Variants in UBE3A observed in about 807,000 individuals in gnomAD.
The protein encoded by UBE3A is ubiquitin-protein ligase E3A.
UBE3A carries 6 observed loss-of-function variants against 83.4 expected under a neutral mutation model. That is an observed-to-expected ratio of 0.07 (90% confidence interval 0.04 to 0.14). UBE3A has a LOEUF of 0.14. UBE3A is among the 10% of genes least tolerant of loss of function. The pLI, the probability that UBE3A is intolerant of heterozygous loss-of-function variation, is 1.00. For missense variants in UBE3A, 456 were observed against 1,036.1 expected (o/e 0.44, Z 7.69); for synonymous variants, 337 against 355.4 (o/e 0.95, Z 0.58).
chr15:25,421,258 T>C (rs765431645), intron 1 of UBE3A, among the ~76,000 whole-genome samples: 3 of 152,154 alleles, frequency 2.0e-5, no homozygotes, highest in Non-Finnish European at 2.9e-5. Context: ...TGCTCCCCCT[T>C]TGCCTTCCAC....
At chr15:25,357,604 C>T (rs200916496) in intron 7 of UBE3A, 32 of 152,250 alleles carry the variant, frequency 2.1e-4, no homozygotes, top group African/African-American at 7.7e-4. Context: ...CCTCAGCCTC[C>T]CAAAGTGCTG....
chr15:25,381,465 A>G (rs1485893806), intron 4 of UBE3A, among the ~76,000 whole-genome samples: 1 of 152,216 alleles, frequency 6.6e-6, no homozygotes, highest in African/African-American at 2.4e-5. Flanking sequence ...ATAAAAACTA[A>G]TGGTGAACAA....
At position 25,411,597 on chromosome 15, in the gene UBE3A, ACAGCAG is replaced by A. The variant is rs145204762; in HGVS notation, c.-101+305_-101+310del. On this transcript the variant is annotated intron_variant, in intron 2 of 12. Coordinates refer to ENST00000648336, the MANE Select transcript of UBE3A (RefSeq NM_130839.5). ...AGAGCAAGACTCTGTCTCAAAAACA[ACAGCAG>A]CAGCAGCAGCAGCAACAACAACAAC... is the stretch of plus-strand genomic sequence containing the variant. Among the ~76,000 whole-genome samples the A allele has an allele frequency of 7.1e-3, 1,085 of 152,186 alleles. 11 individuals are homozygous for A. Among genetic ancestry groups the A allele is most frequent in the African/African-American group, 0.025 (1,031 of 41,504 alleles).
At chr15:25,401,628 G>A (rs947702544) in intron 4 of UBE3A, among the ~76,000 whole-genome samples, 6 of 151,964 alleles carry the variant, frequency 3.9e-5, no homozygotes, top group African/African-American at 1.5e-4. Context: ...GTACTTCTCT[G>A]GTATCAGCTG....
Position 25,406,692 on chromosome 15 carries a change from A to T in UBE3A, c.21-1190T>A, listed in dbSNP as rs1331221015. 5.8e-3 allele frequency among the ~76,000 whole-genome samples: 13 copies of T among 2,260 alleles called. No homozygotes were observed. In the Non-Finnish European group the frequency reaches 0.12, roughly 22 times the overall value. 1.5% of individuals were successfully genotyped at this position (2,260 alleles called of 152,430 possible). The stretch of plus-strand genomic sequence containing the variant: ...TAACAAGAATCTTAAAATCAGTCAC[A>T]CACACACACACACACACACACACGC... On this transcript the variant is annotated intron_variant, in intron 3 of 12. Transcript: ENST00000648336.
In UBE3A at chr15:25,357,850, G is replaced by C. The variant is rs146128675; in HGVS notation, c.1754-954C>G. 2.4e-3 allele frequency among the ~76,000 whole-genome samples: 360 copies of C among 148,896 alleles called. 3 individuals carry two copies. Among genetic ancestry groups the C allele is most frequent in the South Asian group, 4.1e-3 (19 of 4,680 alleles). On this transcript the variant is annotated intron_variant, in intron 7 of 12. Coordinates refer to ENST00000648336, the MANE Select transcript of UBE3A (RefSeq NM_130839.5). ...CAATACGTAAAAGAAAAGTAGTTTC[G>C]TAGTCTTTCAATTTCACATGGTCTT...
Position 25,370,037 on chromosome 15 carries a change from G to A in UBE3A, c.1608+529C>T, listed in dbSNP as rs1178048451. ...AGCCAGGCAGTGCCGTCCACACAGG[G>A]ATATTCTAAGTGGCCCAGCAGGACT... On this transcript the variant is annotated intron_variant, in intron 6 of 12. Transcript: ENST00000648336. The surrounding 1 kb of genome is among the most constrained non-coding windows in gnomAD (Gnocchi z 4.2). Among the ~76,000 whole-genome samples the A allele has an allele frequency of 6.6e-6, 1 of 152,122 alleles. No individual in the cohort carries two copies. The highest frequency in any genetic ancestry group is 1.5e-5 in the Non-Finnish European group (1 of 68,030).
Position 25,403,033 on chromosome 15 carries a change from G to A in UBE3A, c.62+2428C>T, listed in dbSNP as rs149810242. 3.3e-5 allele frequency among the ~76,000 whole-genome samples: 5 copies of A among 152,276 alleles called. No homozygotes were observed. In the East Asian group the frequency reaches 9.7e-4, roughly 29 times the overall value. ...AGCATATAAATTCAAATACTCCAAT[G>A]TTAACATCTTATGCACATGCCACTA... On this transcript the variant is annotated intron_variant, in intron 4 of 12. Transcript: ENST00000648336.
intron 11 of UBE3A, chr15:25,346,329 A>G (rs1429194497): frequency 1.3e-5 from 2 of 152,576 alleles, no homozygotes; most frequent in Admixed American, 6.5e-5. Flanking sequence ...AAACCAAAAC[A>G]GCACCATAAA....
intron 4 of UBE3A, among the ~76,000 whole-genome samples, chr15:25,398,798 T>TATAA (rs2086317371): frequency 1.2e-5 from 1 of 81,232 alleles, no homozygotes; most frequent in African/African-American, 3.6e-5. Context: ...TATATATATA[T>TATAA]ATATATATAT....
intron 1 of UBE3A, among the ~76,000 whole-genome samples, chr15:25,414,944 A>G (rs1382596866): frequency 6.6e-6 from 1 of 152,180 alleles, no homozygotes; most frequent in Non-Finnish European, 1.5e-5. Flanking sequence ...AGTGCTTGCA[A>G]ATGTTTATAG....
intron 1 of UBE3A, among the ~76,000 whole-genome samples, chr15:25,422,812 C>CAA (rs71418043): frequency 6.1e-4 from 70 of 114,626 alleles, no homozygotes; most frequent in South Asian, 2.6e-3. Context: ...CGTTCTCTAC[C>CAA]AAAAAAAAAA....
chr15:25,353,103 T>TC (rs2076745634), intron 11 of UBE3A, among the ~76,000 whole-genome samples: 16 of 152,216 alleles, frequency 1.1e-4, no homozygotes, highest in Non-Finnish European at 2.4e-4. Context: ...ATTGCTGTTA[T>TC]ACTCCTTGTG....
chr15:25,353,197 C>T (rs1197452022), intron 11 of UBE3A, among the ~76,000 whole-genome samples: 4 of 152,138 alleles, frequency 2.6e-5, no homozygotes, highest in South Asian at 2.1e-4. Flanking sequence ...GGTAGCAGCA[C>T]AGAGGTTGCT....
At chr15:25,367,366 A>G (rs2079494883) in intron 6 of UBE3A, among the ~76,000 whole-genome samples, 1 of 151,592 alleles carries the variant, frequency 6.6e-6, no homozygotes, top group Non-Finnish European at 1.5e-5. Flanking sequence ...ACATATTTGT[A>G]AAAACCTCAT....
intron 3 of UBE3A, 129 bp downstream of exon 3, chr15:25,408,959 G>T: frequency 1.1e-6 from 1 of 950,634 alleles, no homozygotes; most frequent in Non-Finnish European, 1.6e-6. Context: ...ATTAAATGAA[G>T]TAGGTCAACT....
At chr15:25,354,732 C>CA in intron 9 of UBE3A, 49 bp from the exon 10 acceptor site, 1 of 1,546,404 alleles carries the variant, frequency 6.5e-7, no homozygotes, top group Non-Finnish European at 8.9e-7. Context: ...GCTATGCAAA[C>CA]AAAACACAAG....
intron 1 of UBE3A, among the ~76,000 whole-genome samples, chr15:25,426,414 G>A (rs935727513): frequency 6.6e-6 from 1 of 152,086 alleles, no homozygotes; most frequent in African/African-American, 2.4e-5. Flanking sequence ...ATAGCGCCTA[G>A]CCTAAAATTA....
intron 11 of UBE3A, among the ~76,000 whole-genome samples, chr15:25,345,406 A>G (rs1449730039): frequency 1.3e-5 from 2 of 152,142 alleles, no homozygotes; most frequent in African/African-American, 4.8e-5. Context: ...AAGTTCAAAT[A>G]TATGTGTGGG....
Sources: allele counts gnomAD v4.1 joint callset (sites outside exome capture counted in the v4.1 genomes callset), GRCh38; gene constraint gnomAD v4.1.1; non-coding constraint Gnocchi (gnomAD v3.1); transcripts MANE v1.5; gene names NCBI Gene and HGNC (gene_info 2026-07-23, HGNC 2026-07-21).